The following CFI variants were observed in gnomAD, a reference collection of about 807,000 sequenced individuals.
The protein encoded by CFI is complement factor I, also known as C3B/C4B inactivator.
CFI carries 66 observed loss-of-function variants against 78.8 expected under a neutral mutation model. The ratio of observed to expected loss-of-function variants is 0.84; its 90% CI spans 0.69 to 1.03. The LOEUF is 1.03. CFI is among the 50% of genes least tolerant of loss of function. The pLI is 0.00. For missense variants in CFI, 706 were observed against 704.5 expected (o/e 1.00, Z -0.02); for synonymous variants, 250 against 232.6 (o/e 1.07, Z -0.68).
chr4:109,768,872 A>C (rs560212453), intron 1 of CFI, among the ~76,000 whole-genome samples: 1 of 139,952 alleles, frequency 7.1e-6, no homozygotes, highest in South Asian at 2.4e-4. Context: ...TTTGCTTTTC[A>C]ATAAACTGTA....
At chr4:109,746,607 T>C in intron 10 of CFI, 105 bp from the exon 11 acceptor site, 2 of 979,666 alleles carry the variant, frequency 2.0e-6, no homozygotes, top group Non-Finnish European at 2.9e-6. Flanking sequence ...CTTTTTCATT[T>C]CCCCAGAATT....
chr4:109,781,795 A>T (rs114426252), intron 1 of CFI, among the ~76,000 whole-genome samples: 1,909 of 152,308 alleles, frequency 0.013, 23 homozygotes, highest in African/African-American at 0.039. Context: ...ACAACATATC[A>T]AAAAGATAAT....
At chr4:109,765,260 C>G (rs2088968230) in intron 2 of CFI, among the ~76,000 whole-genome samples, 1 of 152,142 alleles carries the variant, frequency 6.6e-6, no homozygotes, top group Non-Finnish European at 1.5e-5. Flanking sequence ...CTCAGCATCT[C>G]AAAAACATAC....
chr4:109,800,647 T>C (rs1381274694), intron 1 of CFI, among the ~76,000 whole-genome samples: 1 of 152,068 alleles, frequency 6.6e-6, no homozygotes, highest in East Asian at 1.9e-4. Flanking sequence ...AAACAGAAAA[T>C]AGAATCACCA....
At chr4:109,797,054 T>C (rs1197803495) in intron 1 of CFI, among the ~76,000 whole-genome samples, 1 of 152,220 alleles carries the variant, frequency 6.6e-6, no homozygotes, top group Non-Finnish European at 1.5e-5. Flanking sequence ...GGCATTTTTT[T>C]ACAGAAATAG....
intron 2 of CFI, 24 bp from the exon 3 acceptor site, chr4:109,764,714 G>A: frequency 6.2e-7 from 1 of 1,602,704 alleles, no homozygotes; most frequent in South Asian, 1.1e-5. Context: ...ACAAAATAAT[G>A]TGCAATATGT....
chr4:109,734,422 T>C, the CFI span, among the ~76,000 whole-genome samples: 3 of 152,170 alleles, frequency 2.0e-5, no homozygotes, highest in East Asian at 3.8e-4. Flanking sequence ...ATTTAGTAAC[T>C]TGGGGGTTAT....
intron 2 of CFI, among the ~76,000 whole-genome samples, 153 bp downstream of exon 2, chr4:109,766,401 G>A (rs1160329624): frequency 6.6e-6 from 1 of 152,102 alleles, no homozygotes; most frequent in Admixed American, 6.5e-5. Context: ...CCCCTGATTT[G>A]TTTAGTGATT....
intron 1 of CFI, among the ~76,000 whole-genome samples, chr4:109,785,599 C>T (rs1229453411): frequency 6.6e-6 from 1 of 151,900 alleles, no homozygotes; most frequent in Non-Finnish European, 1.5e-5. Flanking sequence ...AAACATGATT[C>T]CATCTCCTCT....
chr4:109,760,386 C>A lies in CFI; in HGVS notation c.773-6G>T. The A allele has an allele frequency of 6.2e-7, 1 of 1,607,204 alleles. No individual in the cohort carries two copies. The highest frequency in any genetic ancestry group is 1.1e-5 in the South Asian group (1 of 90,918). ...GAAGCCTTTGCCTTGGCATGCTGTGCAAACATAAGCAGGAGAGGTTTTTTT... is the reference window on the plus strand; with the variant it reads ...GAAGCCTTTGCCTTGGCATGCTGTGAAAACATAAGCAGGAGAGGTTTTTTT... On this transcript the variant is annotated splice_region_variant and splice_polypyrimidine_tract_variant and intron_variant, in intron 5 of 12. Transcript: ENST00000394634.
At chr4:109,790,328 T>G (rs191850428) in intron 1 of CFI, among the ~76,000 whole-genome samples, 82 of 152,224 alleles carry the variant, frequency 5.4e-4, no homozygotes, top group South Asian at 4.8e-3. Context: ...TATTCTATTT[T>G]TTCTTCTAGC....
At position 109,740,807 on chromosome 4, in the gene CFI, TAGAG is replaced by T; in HGVS notation, c.*82_*85del. ...TGAGATTTGCTTCATTTTTCCCCCCTAGAGAATTATTAATTATACCGTTTTATTT... is the reference window on the plus strand; with the variant it reads ...TGAGATTTGCTTCATTTTTCCCCCCTAATTATTAATTATACCGTTTTATTT... On this transcript the variant is annotated 3_prime_UTR_variant, in exon 13 of 13. Coordinates refer to ENST00000394634, the MANE Select transcript of CFI (RefSeq NM_000204.5). The T allele has an allele frequency of 7.9e-7, 1 of 1,267,846 alleles. No individual in the cohort carries two copies. The highest frequency in any genetic ancestry group is 1.1e-6 in the Non-Finnish European group (1 of 874,110). 78.5% of individuals were successfully genotyped at this position (1,267,846 alleles called of 1,614,324 possible). A position where few individuals can be genotyped will look rare whatever the true frequency, so the allele number is the denominator to read the frequency against.
At chr4:109,762,698 G>C (rs1727240709) in intron 3 of CFI, 1 of 152,200 alleles carries the variant, frequency 6.6e-6, no homozygotes, top group African/African-American at 2.4e-5. Context: ...TTCAGATCAT[G>C]AGGCTGTGCC....
chr4:109,791,588 T>C (rs1329316567), intron 1 of CFI, among the ~76,000 whole-genome samples: 1 of 152,206 alleles, frequency 6.6e-6, no homozygotes, highest in Non-Finnish European at 1.5e-5. Context: ...TACATTTAAT[T>C]CTTTAATCTA....
downstream of CFI, among the ~76,000 whole-genome samples, chr4:109,740,472 T>C (rs1283950836): frequency 6.6e-6 from 1 of 152,140 alleles, no homozygotes; most frequent in Non-Finnish European, 1.5e-5. Context: ...AACATTTATG[T>C]AAGTATGTAG....
intron 1 of CFI, among the ~76,000 whole-genome samples, chr4:109,797,608 C>A (rs1489701851): frequency 1.3e-5 from 2 of 152,088 alleles, no homozygotes; most frequent in Non-Finnish European, 2.9e-5. Context: ...TTCTGCACAG[C>A]AAAATGAAAA....
chr4:109,752,874 A>ATG (rs1265113315), intron 7 of CFI, among the ~76,000 whole-genome samples: 1 of 131,552 alleles, frequency 7.6e-6, no homozygotes, highest in Non-Finnish European at 1.6e-5. Flanking sequence ...ATATATATAT[A>ATG]AAATATTATA....
chr4:109,741,519 T>G (rs557599910), intron 12 of CFI: 7 of 222,624 alleles, frequency 3.1e-5, no homozygotes, highest in Non-Finnish European at 5.3e-5. Flanking sequence ...TTGCCCCTAT[T>G]TTATACATAA....
chr4:109,769,155 T>G (rs1224591225), intron 1 of CFI, among the ~76,000 whole-genome samples: 3 of 152,226 alleles, frequency 2.0e-5, no homozygotes, highest in African/African-American at 7.2e-5. Context: ...TCCAAGCAAC[T>G]TGATTTTTTT....
Sources: allele counts gnomAD v4.1 joint callset (sites outside exome capture counted in the v4.1 genomes callset), GRCh38; gene constraint gnomAD v4.1.1; transcripts MANE v1.5; gene names NCBI Gene and HGNC (gene_info 2026-07-23, HGNC 2026-07-21).